The following RBMS3 variants were observed in gnomAD, a reference collection of about 807,000 sequenced individuals.
The protein encoded by RBMS3 is RNA-binding motif, single-stranded-interacting protein 3.
Under a neutral mutation model 66.8 loss-of-function variants are expected in RBMS3, and 27 were observed. The ratio of observed to expected loss-of-function variants is 0.40; its 90% CI spans 0.30 to 0.56. The LOEUF is 0.56. RBMS3 is among the 20% of genes least tolerant of loss of function. RBMS3 has a pLI of 0.40. For synonymous variants in RBMS3, 188 were observed against 183.0 expected (o/e 1.03, Z -0.22); for missense variants, 513 against 549.5 (o/e 0.93, Z 0.66).
At chr3:29,666,168 T>C (rs1223461064) in intron 4 of RBMS3, among the ~76,000 whole-genome samples, 4 of 152,228 alleles carry the variant, frequency 2.6e-5, no homozygotes, top group Non-Finnish European at 5.9e-5. Context: ...TGTTCAAATG[T>C]CACTTGATAA....
Position 29,739,786 on chromosome 3 carries a change from C to A in RBMS3, c.466C>A (p.Leu156Ile), listed in dbSNP as rs775797111. ...CCCCATTTCTATGGATGAGCAGGAG[C>A]TTGAGAATATGCTGAAACCCTTTGG... is the stretch of plus-strand genomic sequence containing the variant. The part of the protein sequence containing the change: ...NLPISMDEQE[L>I]ENMLKPFGHV... The change falls in exon 5 of 15, where the codon CTT (leucine) becomes ATT (isoleucine). Residue 156 changes from leucine to isoleucine, a missense_variant. By Grantham distance (5) the Leu-to-Ile change is conservative (BLOSUM62 2). Transcript: ENST00000383767. The A allele has an allele frequency of 5.0e-6, 8 of 1,612,972 alleles. No individual in the cohort carries two copies. The East Asian group carries it at 1.6e-4, about 31-fold the overall frequency.
intron 2 of RBMS3, among the ~76,000 whole-genome samples, chr3:29,439,026 T>C (rs535466727): frequency 1.2e-4 from 19 of 152,170 alleles, no homozygotes; most frequent in Admixed American, 2.6e-4. Flanking sequence ...TTAACTAATC[T>C]AGAAAAAAGT....
chr3:29,374,038 G>A (rs2038342061), intron 1 of RBMS3, among the ~76,000 whole-genome samples: 1 of 152,200 alleles, frequency 6.6e-6, no homozygotes, highest in African/African-American at 2.4e-5. Context: ...TGCTGGGAAA[G>A]AGAGTTTACT....
At chr3:29,666,184 C>T (rs2050748922) in intron 4 of RBMS3, among the ~76,000 whole-genome samples, 1 of 152,196 alleles carries the variant, frequency 6.6e-6, no homozygotes, top group South Asian at 2.1e-4. Flanking sequence ...GATAAGTTGA[C>T]CACCCTGACC....
chr3:29,702,675 C>A (rs899975998), intron 4 of RBMS3, among the ~76,000 whole-genome samples: 1 of 152,020 alleles, frequency 6.6e-6, no homozygotes, highest in South Asian at 2.1e-4. Context: ...GAATGAACAA[C>A]TCTGGATGAG....
chr3:29,968,183 C>T (rs560777630), intron 12 of RBMS3, among the ~76,000 whole-genome samples: 17 of 149,678 alleles, frequency 1.1e-4, no homozygotes, highest in Non-Finnish European at 2.3e-4. Context: ...CTCACTCCCA[C>T]GGCTGCCCAC....
intron 6 of RBMS3, among the ~76,000 whole-genome samples, chr3:29,765,473 A>G (rs1241117365): frequency 1.3e-5 from 2 of 151,960 alleles, no homozygotes; most frequent in Non-Finnish European, 2.9e-5. Flanking sequence ...CTCAACTATA[A>G]TTGGTGTGAC....
At chr3:29,383,935 G>C (rs2038885628) in intron 1 of RBMS3, among the ~76,000 whole-genome samples, 1 of 152,166 alleles carries the variant, frequency 6.6e-6, no homozygotes, top group Non-Finnish European at 1.5e-5. Context: ...TGAGCAACCA[G>C]TATATGTTAA....
intron 3 of RBMS3, among the ~76,000 whole-genome samples, chr3:29,566,781 AATG>A (rs2046759335): frequency 1.3e-5 from 2 of 152,146 alleles, no homozygotes; most frequent in African/African-American, 2.4e-5. Flanking sequence ...AAGAGGTACA[AATG>A]GAATTTGGGG....
At chr3:29,743,078 A>G (rs138314711) in intron 5 of RBMS3, among the ~76,000 whole-genome samples, 4 of 152,288 alleles carry the variant, frequency 2.6e-5, no homozygotes, top group Non-Finnish European at 2.9e-5. Context: ...GAGGAGCAGA[A>G]TCCCATATAA....
intron 4 of RBMS3, among the ~76,000 whole-genome samples, chr3:29,680,146 A>G (rs139319690): frequency 1.0e-3 from 152 of 152,276 alleles, no homozygotes; most frequent in African/African-American, 3.4e-3. Context: ...CCCAGTGTCG[A>G]TTTGACAGAA....
At chr3:29,710,266 T>C (rs1260531062) in intron 4 of RBMS3, among the ~76,000 whole-genome samples, 19 of 152,216 alleles carry the variant, frequency 1.2e-4, no homozygotes, top group Admixed American at 1.2e-3. Flanking sequence ...GTGATAGTCA[T>C]TAAGAATGCT....
At chr3:29,682,663 G>A (rs1257504373) in intron 4 of RBMS3, among the ~76,000 whole-genome samples, 1 of 152,154 alleles carries the variant, frequency 6.6e-6, no homozygotes. Context: ...GCTGCACCTG[G>A]CAACTGAAAG....
chr3:29,468,825 A>G (rs1027035830), intron 2 of RBMS3, among the ~76,000 whole-genome samples: 3 of 152,158 alleles, frequency 2.0e-5, no homozygotes, highest in African/African-American at 7.2e-5. Flanking sequence ...CCTGAAATTA[A>G]CAAAAATCTT....
chr3:29,699,998 G>T (rs913445345), intron 4 of RBMS3, among the ~76,000 whole-genome samples: 1 of 152,080 alleles, frequency 6.6e-6, no homozygotes, highest in Non-Finnish European at 1.5e-5. Flanking sequence ...GACTGGATTT[G>T]TCATATTTAA....
At chr3:29,333,371 G>A (rs1358605630) in intron 1 of RBMS3, among the ~76,000 whole-genome samples, 3 of 152,082 alleles carry the variant, frequency 2.0e-5, no homozygotes, top group Admixed American at 2.0e-4. Flanking sequence ...GCACTATAAT[G>A]TAGCATCAGC....
At chr3:29,412,691 G>C (rs34687626) in intron 1 of RBMS3, among the ~76,000 whole-genome samples, 9,147 of 152,214 alleles carry the variant, frequency 0.06, 387 homozygotes, top group Non-Finnish European at 0.083. Flanking sequence ...GTGGCTGGCT[G>C]CGTGGCCTGT....
chr3:29,886,711 T>C (rs1178151097), intron 8 of RBMS3, among the ~76,000 whole-genome samples: 1 of 151,884 alleles, frequency 6.6e-6, no homozygotes, highest in Non-Finnish European at 1.5e-5. Context: ...TTATTATTTT[T>C]TTTTTTAGCA....
At chr3:29,532,246 GTATATATATATATATGTATA>G (rs1161863271) in intron 3 of RBMS3, among the ~76,000 whole-genome samples, 2 of 88,994 alleles carry the variant, frequency 2.2e-5, no homozygotes, top group Non-Finnish European at 4.0e-5. Context: ...GCATATATAT[GTATATATATATATATGTATA>G]TATATATATA....
Sources: gnomAD v4.1 joint callset for allele counts (sites outside exome capture counted in the v4.1 genomes callset) on GRCh38, gnomAD v4.1.1 for gene constraint, MANE v1.5 for transcripts, NCBI Gene and HGNC (gene_info 2026-07-23, HGNC 2026-07-21) for gene names.